Variants in DSCAM observed in about 807,000 individuals in gnomAD.
DSCAM encodes the protein cell adhesion molecule DSCAM.
In DSCAM, 47 loss-of-function variants were observed where a neutral mutation model predicts 217.7. The ratio of observed to expected loss-of-function variants is 0.22; its 90% CI spans 0.17 to 0.28. DSCAM has a LOEUF of 0.28. Ranked by LOEUF, DSCAM falls within the 10% of genes least tolerant of loss-of-function variation. DSCAM has a pLI of 1.00. For synonymous variants in DSCAM, 1,056 were observed against 1,015.3 expected (o/e 1.04, Z -0.76); for missense variants, 2,080 against 2,618.3 (o/e 0.79, Z 4.49).
intron 3 of DSCAM, among the ~76,000 whole-genome samples, chr21:40,518,555 TACACACACAC>T (rs552769496): frequency 1.2e-5 from 1 of 81,014 alleles, no homozygotes; most frequent in African/African-American, 6.2e-5. Flanking sequence ...CACACACATA[TACACACACAC>T]ATATATACAT....
chr21:40,146,273 G>A (rs2090356142), intron 16 of DSCAM, among the ~76,000 whole-genome samples: 1 of 151,622 alleles, frequency 6.6e-6, no homozygotes, highest in African/African-American at 2.4e-5. Context: ...GAGGGGGGGA[G>A]GTGGCGGGGC....
At chr21:40,071,435 CATTAT>C (rs934703799) in intron 27 of DSCAM, among the ~76,000 whole-genome samples, 19 of 152,224 alleles carry the variant, frequency 1.2e-4, no homozygotes, top group South Asian at 1.0e-3. Context: ...CATAAAATAA[CATTAT>C]ATTATATTCA....
rs572286186 is a variant in DSCAM at position 40,644,438 on chromosome 21, C to T, written c.508+48372G>A. On this transcript the variant is annotated intron_variant, in intron 3 of 32. Coordinates refer to ENST00000400454, the MANE Select transcript of DSCAM (RefSeq NM_001389.5). ...GGCATAAGCAAGAAAACAGCAGGTT[C>T]GGCCAGTTCTAGGAAAGATTAGCAC... 2.6e-5 allele frequency among the ~76,000 whole-genome samples: 4 copies of T among 152,228 alleles called. No individual in the cohort carries two copies. In the East Asian group the frequency reaches 5.8e-4, roughly 22 times the overall value.
intron 28 of DSCAM, among the ~76,000 whole-genome samples, chr21:40,058,018 G>A (rs1487544481): frequency 1.3e-5 from 2 of 151,838 alleles, no homozygotes; most frequent in African/African-American, 4.8e-5. Context: ...TGGGACTACA[G>A]GTGCCCACCA....
At chr21:40,364,554 G>A (rs12626730) in intron 4 of DSCAM, among the ~76,000 whole-genome samples, 2 of 150,734 alleles carry the variant, frequency 1.3e-5, no homozygotes, top group Non-Finnish European at 2.9e-5. Flanking sequence ...GGGAGGGATA[G>A]CACTGGGAGA....
intron 3 of DSCAM, among the ~76,000 whole-genome samples, chr21:40,522,525 C>G (rs1023206879): frequency 3.3e-5 from 5 of 152,108 alleles, no homozygotes; most frequent in South Asian, 4.2e-4. Flanking sequence ...ATCTAGGTCA[C>G]GTTTTCTCTT....
chr21:40,660,070 A>G (rs2090122818), intron 3 of DSCAM, among the ~76,000 whole-genome samples: 1 of 152,208 alleles, frequency 6.6e-6, no homozygotes, highest in Non-Finnish European at 1.5e-5. Context: ...TTTGACATCC[A>G]TCACCTTACT....
chr21:40,313,260 T>C (rs2074160152), intron 8 of DSCAM, among the ~76,000 whole-genome samples: 1 of 152,242 alleles, frequency 6.6e-6, no homozygotes, highest in African/African-American at 2.4e-5. Context: ...TCTCTTAGTT[T>C]TGCACACTTT....
chr21:40,469,509 T>G (rs990954749), intron 3 of DSCAM, among the ~76,000 whole-genome samples: 2 of 152,202 alleles, frequency 1.3e-5, no homozygotes, highest in African/African-American at 4.8e-5. Flanking sequence ...GAAAATCATT[T>G]TGTGCTTTGA....
rs1164930223 is a variant in DSCAM at position 40,339,366 on chromosome 21, T to C, written c.1260A>G (p.Pro420=). 13 of 1,613,424 alleles carry C rather than the reference T, an allele frequency of 8.1e-6. No homozygotes were observed. The highest frequency in any genetic ancestry group is 1.1e-5 in the Non-Finnish European group (13 of 1,179,772). The change falls in exon 7 of 33, where the codon CCA becomes CCG. Residue 420 remains proline, a synonymous_variant. Transcript: ENST00000400454. ...ISAFSEKVVS[P]AEPVSLMCNV... ...TGCACATAAGGGAAACCGGCTCTGC[T>C]GGACTCACCACCTTTTCACTAAAGG...
At chr21:40,171,510 C>T (rs2090657619) in intron 15 of DSCAM, among the ~76,000 whole-genome samples, 1 of 151,138 alleles carries the variant, frequency 6.6e-6, no homozygotes, top group Non-Finnish European at 1.5e-5. Context: ...CATGATTTGT[C>T]AGTAATGTAT....
chr21:40,365,519 A>G (rs915609842), intron 4 of DSCAM, among the ~76,000 whole-genome samples: 4 of 152,164 alleles, frequency 2.6e-5, no homozygotes, highest in African/African-American at 9.7e-5. Flanking sequence ...CCTTGTGATC[A>G]CGTGAGTCAT....
intron 18 of DSCAM, among the ~76,000 whole-genome samples, chr21:40,141,993 C>G (rs1375285782): frequency 6.6e-5 from 10 of 151,968 alleles, no homozygotes; most frequent in African/African-American, 1.9e-4. Context: ...CACACACACA[C>G]ACACACGATA....
At chr21:40,802,043 T>C (rs969704668) in intron 1 of DSCAM, among the ~76,000 whole-genome samples, 1 of 152,160 alleles carries the variant, frequency 6.6e-6, no homozygotes, top group Non-Finnish European at 1.5e-5. Context: ...ACCAGTAGCA[T>C]GCAATGCCCA....
chr21:40,272,239 C>T (rs781620338), intron 11 of DSCAM, among the ~76,000 whole-genome samples: 12 of 152,142 alleles, frequency 7.9e-5, no homozygotes, highest in Non-Finnish European at 1.6e-4. Context: ...AGAGCCTACT[C>T]CCTCTGCCTT....
intron 1 of DSCAM, among the ~76,000 whole-genome samples, chr21:40,765,236 T>TAG (rs1465172645): frequency 6.6e-6 from 1 of 152,128 alleles, no homozygotes; most frequent in Non-Finnish European, 1.5e-5. Context: ...GCCATGAAGA[T>TAG]TTCTGAGGTC....
At chr21:40,131,999 T>C (rs1321472073) in intron 19 of DSCAM, among the ~76,000 whole-genome samples, 1 of 152,218 alleles carries the variant, frequency 6.6e-6, no homozygotes, top group African/African-American at 2.4e-5. Context: ...TGAAGAGCCT[T>C]CCCTTCTTAT....
chr21:40,340,113 A>AC (rs533025066), intron 6 of DSCAM, among the ~76,000 whole-genome samples: 197 of 152,202 alleles, frequency 1.3e-3, no homozygotes, highest in Non-Finnish European at 2.3e-3. Flanking sequence ...TAAGTAGGGT[A>AC]CTTAAGCATG....
intron 3 of DSCAM, among the ~76,000 whole-genome samples, chr21:40,455,147 G>C (rs953642002): frequency 6.6e-6 from 1 of 152,130 alleles, no homozygotes. Flanking sequence ...TCCCAGCATG[G>C]GATTGATATC....
Sources: allele counts gnomAD v4.1 joint callset (sites outside exome capture counted in the v4.1 genomes callset), GRCh38; gene constraint gnomAD v4.1.1; transcripts MANE v1.5; gene names NCBI Gene and HGNC (gene_info 2026-07-23, HGNC 2026-07-21).